The following ASIC2 variants were observed in gnomAD, a reference collection of about 807,000 sequenced individuals.
ASIC2 encodes the protein acid-sensing ion channel 2.
A neutral mutation model predicts 57.3 loss-of-function variants in ASIC2; 25 were observed. The ratio of observed to expected loss-of-function variants is 0.44; its 90% CI spans 0.32 to 0.61. The LOEUF (loss-of-function observed/expected upper bound fraction) is 0.61, where lower values mean the gene tolerates loss of function less well. Ranked by LOEUF, ASIC2 falls within the 20% of genes least tolerant of loss-of-function variation. The probability of loss-of-function intolerance (pLI) is 0.06; values close to 1 mark genes in which losing one functional copy is unlikely to be tolerated. For synonymous variants in ASIC2, 319 were observed against 307.5 expected (o/e 1.04, Z -0.39); for missense variants, 641 against 738.1 (o/e 0.87, Z 1.52).
rs558727421 is a variant in ASIC2, at chr17:33,122,718, T to C, written c.709-10651A>G. Reference sequence around the variant, plus strand: ...CTTTTAGCAAGTTTGAAATATACACTCTTATTAACTATAGTCACCATGCTG... The same window carrying C: ...CTTTTAGCAAGTTTGAAATATACACCCTTATTAACTATAGTCACCATGCTG... On this transcript the variant is annotated intron_variant, in intron 1 of 9. Transcript: ENST00000225823. Among the ~76,000 whole-genome samples, 5 of 152,270 alleles carry C rather than the reference T, an allele frequency of 3.3e-5. No homozygotes were observed. The South Asian group carries it at 1.0e-3, about 32-fold the overall frequency.
chr17:33,649,775 G>A (rs1251031776), intron 1 of ASIC2, among the ~76,000 whole-genome samples: 1 of 152,164 alleles, frequency 6.6e-6, no homozygotes, highest in South Asian at 2.1e-4. Context: ...ATTCAGTAAA[G>A]GAAGGTAAAT....
chr17:33,899,947 T>A (rs905887789), intron 1 of ASIC2, among the ~76,000 whole-genome samples: 1 of 152,194 alleles, frequency 6.6e-6, no homozygotes, highest in Non-Finnish European at 1.5e-5. Context: ...TGATAGGTGA[T>A]TGAATGAGTA....
intron 4 of ASIC2, among the ~76,000 whole-genome samples, chr17:33,027,751 T>C (rs757593001): frequency 2.6e-5 from 4 of 152,244 alleles, no homozygotes; most frequent in Non-Finnish European, 5.9e-5. Context: ...GCCAACTGTG[T>C]GAGATGGCCA....
chr17:33,553,367 A>G (rs1023276717), intron 1 of ASIC2, among the ~76,000 whole-genome samples: 1 of 132,228 alleles, frequency 7.6e-6, no homozygotes, highest in African/African-American at 3.2e-5. Context: ...AGAGACCCCA[A>G]GACAACAGGT....
intron 1 of ASIC2, among the ~76,000 whole-genome samples, chr17:33,987,380 T>C (rs1324745405): frequency 1.3e-5 from 2 of 152,190 alleles, no homozygotes; most frequent in Non-Finnish European, 2.9e-5. Context: ...CTTTTATGGA[T>C]GGGAGTGCAA....
intron 1 of ASIC2, among the ~76,000 whole-genome samples, chr17:33,576,123 C>T (rs1299124036): frequency 2.0e-5 from 3 of 152,158 alleles, no homozygotes; most frequent in Admixed American, 6.5e-5. Flanking sequence ...CTTAGAAGTC[C>T]GCCTAGACCA....
At chr17:33,958,450 G>T (rs907175699) in intron 1 of ASIC2, among the ~76,000 whole-genome samples, 3 of 146,794 alleles carry the variant, frequency 2.0e-5, no homozygotes, top group African/African-American at 7.4e-5. Flanking sequence ...CTAGGAGGAG[G>T]TTCCCAAATC....
rs144666711 is a variant in ASIC2 at position 33,972,926 on chromosome 17, C to T, written c.555+183052G>A. 3.4e-3 allele frequency among the ~76,000 whole-genome samples: 513 copies of T among 152,356 alleles called. 3 individuals are homozygous for T. The highest frequency in any genetic ancestry group is 6.0e-3 in the Non-Finnish European group (408 of 68,032). The stretch of plus-strand genomic sequence containing the variant: ...TTCCTCCCTCTCTGGGTCACAGTTT[C>T]CTTCTGTGCAAATCAGAGACTGAGA... On this transcript the variant is annotated intron_variant, in intron 1 of 9. Coordinates refer to the ASIC2 transcript ENST00000359872.
At chr17:33,760,985 T>C (rs1910761877) in intron 1 of ASIC2, among the ~76,000 whole-genome samples, 1 of 152,184 alleles carries the variant, frequency 6.6e-6, no homozygotes, top group Non-Finnish European at 1.5e-5. Flanking sequence ...TCTAGGGCAA[T>C]AATTTTTGGC....
intron 1 of ASIC2, among the ~76,000 whole-genome samples, chr17:33,679,541 A>C (rs183694762): frequency 1.2e-3 from 183 of 152,330 alleles, no homozygotes; most frequent in African/African-American, 4.3e-3. Context: ...GCTTGCACTC[A>C]TAGAGAGAAC....
chr17:33,444,079 T>C (rs926326198), intron 1 of ASIC2, among the ~76,000 whole-genome samples: 1 of 152,228 alleles, frequency 6.6e-6, no homozygotes, highest in Non-Finnish European at 1.5e-5. Context: ...TTCAGAAGTT[T>C]ATCATAAATA....
chr17:33,151,205 G>GCACACA (rs796468433), intron 1 of ASIC2, among the ~76,000 whole-genome samples: 115 of 145,986 alleles, frequency 7.9e-4, no homozygotes, highest in African/African-American at 1.9e-3. Context: ...ACACACGCGC[G>GCACACA]CACACACACA....
intron 2 of ASIC2, among the ~76,000 whole-genome samples, chr17:33,108,824 G>A (rs993391651): frequency 6.6e-6 from 1 of 152,140 alleles, no homozygotes; most frequent in Non-Finnish European, 1.5e-5. Context: ...AAGGAGTTCT[G>A]CCTGACACTC....
intron 1 of ASIC2, among the ~76,000 whole-genome samples, chr17:33,255,108 C>T (rs185637099): frequency 7.2e-5 from 10 of 139,478 alleles, no homozygotes; most frequent in East Asian, 2.2e-4. Flanking sequence ...GGCACGATCT[C>T]GGCTCACTGA....
intron 1 of ASIC2, among the ~76,000 whole-genome samples, chr17:33,800,318 A>T (rs144725023): frequency 6.6e-6 from 1 of 152,264 alleles, no homozygotes; most frequent in African/African-American, 2.4e-5. Flanking sequence ...TTGCTCATAC[A>T]ATATCAGTCA....
chr17:34,140,380 C>A (rs1025939915), intron 1 of ASIC2, among the ~76,000 whole-genome samples: 1 of 152,108 alleles, frequency 6.6e-6, no homozygotes, highest in Admixed American at 6.5e-5. Context: ...TTGAGATGTA[C>A]GTGTAAATGT....
intron 1 of ASIC2, chr17:34,006,663 G>A (rs977108015): frequency 4.6e-5 from 7 of 151,888 alleles, no homozygotes; most frequent in African/African-American, 1.7e-4. Flanking sequence ...TATTCATGGG[G>A]AACAATGTGA....
chr17:34,134,110 C>T (rs1479118467), intron 1 of ASIC2, among the ~76,000 whole-genome samples: 1 of 152,200 alleles, frequency 6.6e-6, no homozygotes, highest in East Asian at 1.9e-4. Flanking sequence ...AAGCCAGCAT[C>T]CCTTCTTTAT....
chr17:34,012,371 A>G (rs1294037613), intron 1 of ASIC2, among the ~76,000 whole-genome samples: 4 of 152,010 alleles, frequency 2.6e-5, no homozygotes, highest in Admixed American at 2.6e-4. Flanking sequence ...CTCTGGTGCC[A>G]CTCCCTTGAA....
Sources: gnomAD v4.1 joint callset for allele counts (sites outside exome capture counted in the v4.1 genomes callset) on GRCh38, gnomAD v4.1.1 for gene constraint, MANE v1.5 for transcripts, NCBI Gene and HGNC (gene_info 2026-07-23, HGNC 2026-07-21) for gene names.